AGO4: variants seen among roughly 807,000 people sequenced by gnomAD.
The protein encoded by AGO4 is protein argonaute-4.
Under a neutral mutation model 104.7 loss-of-function variants are expected in AGO4, and 33 were observed. The observed-to-expected ratio is 0.32, with a 90% CI of 0.24 to 0.42. The LOEUF (loss-of-function observed/expected upper bound fraction) is 0.42. AGO4 is among the 10% of genes least tolerant of loss of function. The pLI is 1.00. For synonymous variants in AGO4, 331 were observed against 364.7 expected (o/e 0.91, Z 1.05); for missense variants, 711 against 1,083.4 (o/e 0.66, Z 4.83).
At position 35,829,840 on chromosome 1, in the gene AGO4, TAAAAAAAA is replaced by T. The variant is rs752406279; in HGVS notation, c.849-1568_849-1561del. Among the ~76,000 whole-genome samples the T allele has an allele frequency of 3.1e-4, 19 of 62,184 alleles. No homozygotes were observed. In the South Asian group the frequency reaches 6.4e-3, roughly 21 times the overall value. The allele number at this position is 62,184 out of a possible 152,430, so 40.8% of individuals were successfully genotyped here. A position where few individuals can be genotyped will look rare whatever the true frequency, so the allele number is the denominator to read the frequency against. ...TGGGCAACAGAGTGAGACTACATCT[TAAAAAAAA>T]AAAAAAAAAAAAAAAAAATGCAAGA... On this transcript the variant is annotated intron_variant, in intron 7 of 17. Transcript: ENST00000373210.
rs570201005 is a variant in AGO4, at chr1:35,853,672, C to A, written c.*67C>A. On this transcript the variant is annotated 3_prime_UTR_variant, in exon 18 of 18. Transcript: ENST00000373210. Reference sequence around the variant, plus strand: ...AGCCTCAAAATGTTTCAAATGCCTACCGCCTCTAGATCGAGCCACGTTGAC... The same window carrying A: ...AGCCTCAAAATGTTTCAAATGCCTAACGCCTCTAGATCGAGCCACGTTGAC... The A allele has an allele frequency of 2.9e-6, 4 of 1,403,138 alleles. No individual in the cohort carries two copies. Among genetic ancestry groups the A allele is most frequent in the Non-Finnish European group, 3.0e-6 (3 of 996,956 alleles). The allele number at this position is 1,403,138 out of a possible 1,614,324, so 86.9% of individuals were successfully genotyped here.
chr1:35,833,661 C>A (rs1287343254), intron 11 of AGO4, among the ~76,000 whole-genome samples: 2 of 152,082 alleles, frequency 1.3e-5, no homozygotes, highest in African/African-American at 4.8e-5. Flanking sequence ...TTTCTTCAGT[C>A]CAGAATTATT....
chr1:35,834,263 C>CCTCAAA (rs1283119185), intron 12 of AGO4, 89 bp downstream of exon 12: 63 of 1,171,660 alleles, frequency 5.4e-5, no homozygotes, highest in Non-Finnish European at 6.7e-5. Context: ...CAGTCACAAA[C>CCTCAAA]CTCAAACTCT....
intron 7 of AGO4, among the ~76,000 whole-genome samples, chr1:35,827,102 T>C (rs1033931622): frequency 1.3e-5 from 2 of 151,934 alleles, no homozygotes; most frequent in African/African-American, 4.8e-5. Context: ...CTCGGGAGGC[T>C]GAGGCAGAGA....
chr1:35,851,024 G>A lies in AGO4; in HGVS notation c.2448G>A (p.Arg816=). 1 of 1,613,296 alleles carries A rather than the reference G, an allele frequency of 6.2e-7. No individual in the cohort carries two copies. Among genetic ancestry groups the A allele is most frequent in the Non-Finnish European group, 8.5e-7 (1 of 1,179,658 alleles). ...YYARLVAFRA[R]YHLVDKDHDS... ...CCCGGCTTGTAGCATTTAGGGCAAG[G>A]TATCATCTGGTGGATAAAGATCATG... The change falls in exon 17 of 18, where the codon AGG becomes AGA. Residue 816 remains arginine (R), a synonymous_variant. Coordinates refer to ENST00000373210, the MANE Select transcript of AGO4 (RefSeq NM_017629.4).
At position 35,855,548 on chromosome 1, in the gene AGO4, G is replaced by A. The variant is rs570971040; in HGVS notation, c.*1943G>A. On this transcript the variant is annotated 3_prime_UTR_variant, in exon 18 of 18. Coordinates refer to ENST00000373210, the MANE Select transcript of AGO4 (RefSeq NM_017629.4). ...GTTGCTCATTAAGCTGAGTGCAGACGTCCTTAATCCCTGCAGATAGTGGGA... is the reference window on the plus strand; with the variant it reads ...GTTGCTCATTAAGCTGAGTGCAGACATCCTTAATCCCTGCAGATAGTGGGA... 9.8e-5 allele frequency: 15 copies of A among 152,448 alleles called. No individual in the cohort carries two copies. The highest frequency in any genetic ancestry group is 1.3e-4 in the Admixed American group (2 of 15,244). 9.4% of individuals were successfully genotyped at this position (152,448 alleles called of 1,614,324 possible). A position where few individuals can be genotyped will look rare whatever the true frequency, so the allele number is the denominator to read the frequency against.
At chr1:35,852,126 T>G (rs572489073) in intron 17 of AGO4, among the ~76,000 whole-genome samples, 2 of 152,150 alleles carry the variant, frequency 1.3e-5, no homozygotes. Context: ...CAAATTTTCT[T>G]TGGCTGGAGG....
Position 35,816,877 on chromosome 1 carries a change from T to G in AGO4, c.20-5T>G. 6.2e-7 allele frequency: 1 copy of G among 1,609,250 alleles called. No homozygotes were observed. The highest frequency in any genetic ancestry group is 8.5e-7 in the Non-Finnish European group (1 of 1,178,004). ...AGCACAGCAAATGTCTTTCAATCTC[T>G]TTAGGACCTCCGGCTAGCCTGTTTC... On this transcript the variant is annotated splice_polypyrimidine_tract_variant and splice_region_variant and intron_variant, in intron 1 of 17. Transcript: ENST00000373210.
Position 35,825,978 on chromosome 1 carries a change from G to A in AGO4, c.678G>A (p.Glu226=), listed in dbSNP as rs756229224. The stretch of plus-strand genomic sequence containing the variant: ...AGCCTATCATTGAGTTCATGTGTGA[G>A]GTTTTAGACATTCAGAACATCAATG... ...RAQPIIEFMC[E]VLDIQNINEQ... Residue 226 remains glutamate, a synonymous_variant, in exon 6 of 18, where the codon GAG becomes GAA. Transcript: ENST00000373210. 11 of 1,614,142 alleles carry A rather than the reference G, an allele frequency of 6.8e-6. No individual in the cohort carries two copies. Among genetic ancestry groups the A allele is most frequent in the Non-Finnish European group, 9.3e-6 (11 of 1,180,026 alleles).
chr1:35,811,458 T>C (rs1258126806), intron 1 of AGO4, among the ~76,000 whole-genome samples: 2 of 135,936 alleles, frequency 1.5e-5, no homozygotes, highest in Non-Finnish European at 3.1e-5. Flanking sequence ...CAAGACTCCA[T>C]CCAAAAAAAA....
rs1286060321 is a variant in AGO4, at chr1:35,854,533, T to TGTA, written c.*931_*933dup. On this transcript the variant is annotated 3_prime_UTR_variant, in exon 18 of 18. Transcript: ENST00000373210. ...GTCTCTCCTCTTCCTTCCCCAACAA[T>TGTA]GTAGTTTTCTAGATGAGATTTCAGT... The TGTA allele has an allele frequency of 3.3e-5, 5 of 152,684 alleles. No individual in the cohort carries two copies. In the East Asian group the frequency reaches 9.6e-4, roughly 29 times the overall value. 9.5% of individuals were successfully genotyped at this position (152,684 alleles called of 1,614,324 possible).
chr1:35,817,135 G>A (rs1643736524), intron 2 of AGO4, 88 bp downstream of exon 2: 4 of 1,317,790 alleles, frequency 3.0e-6, no homozygotes, highest in Non-Finnish European at 4.1e-6. Context: ...CATCCAACAT[G>A]TAGGCTTTGT....
intron 15 of AGO4, among the ~76,000 whole-genome samples, chr1:35,842,628 TCC>T (rs1366303644): frequency 2.0e-5 from 3 of 152,020 alleles, no homozygotes; most frequent in Non-Finnish European, 4.4e-5. Flanking sequence ...ATGGTGAGAC[TCC>T]ATCTCTACTG....
rs1260760192 is a variant in AGO4 at position 35,808,355 on chromosome 1, CGGCGGCGGGGCCCGGAGCGGGA to C, written c.-57_-36del. The C allele has an allele frequency of 1.0e-6, 1 of 961,558 alleles. No individual in the cohort carries two copies. Among genetic ancestry groups the C allele is most frequent in the East Asian group, 1.0e-4 (1 of 9,620 alleles). 59.6% of individuals were successfully genotyped at this position (961,558 alleles called of 1,614,324 possible). A position where few individuals can be genotyped will look rare whatever the true frequency, so the allele number is the denominator to read the frequency against. On this transcript the variant is annotated 5_prime_UTR_variant, in exon 1 of 18. Coordinates refer to ENST00000373210, the MANE Select transcript of AGO4 (RefSeq NM_017629.4). This position sits in a 1 kb window ranked among gnomAD's most constrained non-coding sequence, Gnocchi z 5.2. ...AAGCGTTACGCGGCGGCGGCGGCGG[CGGCGGCGGGGCCCGGAGCGGGA>C]GGCGCCGGGGACCGGGGCGAGGCGG...
In AGO4 at chr1:35,851,051, C is replaced by T. The variant is rs368697141; in HGVS notation, c.2475C>T (p.Asp825=). Residue 825 remains aspartate, a splice_region_variant and synonymous_variant, in exon 17 of 18, where the codon GAC becomes GAT. Coordinates refer to ENST00000373210, the MANE Select transcript of AGO4 (RefSeq NM_017629.4). ...ARYHLVDKDH[D]SAEGSHVSGQ... ...ATCATCTGGTGGATAAAGATCATGA[C>T]AGGCAAGTTTCTTAGGCACAATAAA... 2 of 1,607,374 alleles carry T rather than the reference C, an allele frequency of 1.2e-6. No homozygotes were observed. The highest frequency in any genetic ancestry group is 1.7e-6 in the Non-Finnish European group (2 of 1,176,498).
At chr1:35,848,191 G>A (rs1223687107) in intron 15 of AGO4, among the ~76,000 whole-genome samples, 1 of 152,132 alleles carries the variant, frequency 6.6e-6, no homozygotes, top group Admixed American at 6.5e-5. Context: ...CTTGAGTCTG[G>A]CATTTGAGAT....
At chr1:35,826,605 TGCC>T in intron 6 of AGO4, 140 bp from the exon 7 acceptor site, 1 of 727,282 alleles carries the variant, frequency 1.4e-6, no homozygotes, top group Admixed American at 2.2e-5. Flanking sequence ...TCAGGTTTTT[TGCC>T]TATAACGATG....
chr1:35,815,230 C>A (rs1643654420), intron 1 of AGO4, among the ~76,000 whole-genome samples: 1 of 152,156 alleles, frequency 6.6e-6, no homozygotes, highest in Admixed American at 6.5e-5. Flanking sequence ...TCTTTGTTCT[C>A]AGTGAAATGC....
intron 12 of AGO4, among the ~76,000 whole-genome samples, chr1:35,835,510 G>C (rs1282888425): frequency 6.6e-6 from 1 of 152,192 alleles, no homozygotes; most frequent in Non-Finnish European, 1.5e-5. Flanking sequence ...TGGGAAGATT[G>C]ATTCTTTTGC....
Sources: gnomAD v4.1 joint callset for allele counts (sites outside exome capture counted in the v4.1 genomes callset) on GRCh38, gnomAD v4.1.1 for gene constraint, Gnocchi (gnomAD v3.1) non-coding constraint, MANE v1.5 for transcripts, NCBI Gene and HGNC (gene_info 2026-07-23, HGNC 2026-07-21) for gene names.